PCDHGA6: variants seen among roughly 807,000 people sequenced by gnomAD.
PCDHGA6 encodes protocadherin gamma-A6.
In PCDHGA6, 41 loss-of-function variants were observed where a neutral mutation model predicts 60.6. The observed-to-expected ratio is 0.68, with a 90% CI of 0.53 to 0.88. The LOEUF (loss-of-function observed/expected upper bound fraction) is 0.88, where lower values mean the gene tolerates loss of function less well. Ranked by LOEUF, PCDHGA6 falls within the 40% of genes least tolerant of loss-of-function variation. The pLI is 0.00. For missense variants in PCDHGA6, 1,312 were observed against 1,203.0 expected (o/e 1.09, Z -1.34); for synonymous variants, 594 against 524.4 (o/e 1.13, Z -1.81).
chr5:141,417,800 C>T, intron 1 of PCDHGA6: 1 of 1,489,386 alleles, frequency 6.7e-7, no homozygotes. Context: ...TCTTTTAGCG[C>T]GGTAGAGTGC....
chr5:141,389,081 G>C (rs371979686), intron 1 of PCDHGA6: 2 of 1,613,978 alleles, frequency 1.2e-6, no homozygotes, highest in Admixed American at 1.7e-5. Flanking sequence ...CAAGAAACAC[G>C]TATAAATTAG....
In PCDHGA6 at chr5:141,489,104, A is replaced by C; in HGVS notation, c.2425-5703A>C. The stretch of plus-strand genomic sequence containing the variant: ...CCACTCGGTGACTAAGAACTGCTGC[A>C]AGCAGGCAAACCTCCGAGCAGTTTT... On this transcript the variant is annotated intron_variant, in intron 1 of 3. Coordinates refer to ENST00000517434, the MANE Select transcript of PCDHGA6 (RefSeq NM_018919.3). The surrounding 1 kb of genome is among the most constrained non-coding windows in gnomAD (Gnocchi z 4.5). 2.5e-6 allele frequency: 1 copy of C among 405,816 alleles called. No individual in the cohort carries two copies. Among genetic ancestry groups the C allele is most frequent in the Non-Finnish European group, 4.3e-6 (1 of 232,372 alleles). 25.1% of individuals were successfully genotyped at this position (405,816 alleles called of 1,614,324 possible). A position where few individuals can be genotyped will look rare whatever the true frequency, so the allele number is the denominator to read the frequency against.
Position 141,490,710 on chromosome 5 carries a change from C to G in PCDHGA6, c.2425-4097C>G, listed in dbSNP as rs1158575765. On this transcript the variant is annotated intron_variant, in intron 1 of 3. Coordinates refer to ENST00000517434, the MANE Select transcript of PCDHGA6 (RefSeq NM_018919.3). The surrounding 1 kb of genome is among the most constrained non-coding windows in gnomAD (Gnocchi z 5.4). ...ACACTGGGGATAATGCCCGCCTCAC[C>G]TACTCCATTGTAGGAAATCAGGTTC... 6.2e-7 allele frequency: 1 copy of G among 1,614,208 alleles called. No homozygotes were observed. The highest frequency in any genetic ancestry group is 8.5e-7 in the Non-Finnish European group (1 of 1,180,030).
At chr5:141,501,423 A>G (rs1195105794) in intron 2 of PCDHGA6, among the ~76,000 whole-genome samples, 4 of 151,966 alleles carry the variant, frequency 2.6e-5, no homozygotes, top group African/African-American at 7.2e-5. Flanking sequence ...AGTTGACTAA[A>G]TGTAGTCCAT....
chr5:141,403,073 A>G (rs920382925), intron 1 of PCDHGA6: 4 of 1,614,056 alleles, frequency 2.5e-6, no homozygotes, highest in Non-Finnish European at 3.4e-6. Context: ...AGAGACAGAA[A>G]AGGGCTATAT....
intron 1 of PCDHGA6, chr5:141,387,823 A>G: frequency 6.3e-7 from 1 of 1,581,002 alleles, no homozygotes; most frequent in South Asian, 1.2e-5. Context: ...AATCTGCAAT[A>G]CAGAGGTTAT....
In PCDHGA6 at chr5:141,477,211, C is replaced by T. The variant is rs1282763530; in HGVS notation, c.2425-17596C>T. On this transcript the variant is annotated intron_variant, in intron 1 of 3. Coordinates refer to ENST00000517434, the MANE Select transcript of PCDHGA6 (RefSeq NM_018919.3). The surrounding 1 kb of genome is among the most constrained non-coding windows in gnomAD (Gnocchi z 4.9). ...TGTACAGCCCAGTACCCGAGGATGC[C>T]CCTCTGGGGACTGTCATCGCTTTGC... 2 of 1,614,154 alleles carry T rather than the reference C, an allele frequency of 1.2e-6. No individual in the cohort carries two copies. Among genetic ancestry groups the T allele is most frequent in the East Asian group, 4.5e-5 (2 of 44,870 alleles).
chr5:141,405,840 A>ATATCAGTGT (rs2094725824), intron 1 of PCDHGA6, among the ~76,000 whole-genome samples: 1 of 152,188 alleles, frequency 6.6e-6, no homozygotes, highest in Non-Finnish European at 1.5e-5. Context: ...GTATAAGTTG[A>ATATCAGTGT]TATCAGTGTG....
intron 1 of PCDHGA6, among the ~76,000 whole-genome samples, chr5:141,451,579 A>T (rs1222576609): frequency 6.6e-6 from 1 of 152,084 alleles, no homozygotes; most frequent in African/African-American, 2.4e-5. Flanking sequence ...TTATAAACCT[A>T]ATTTTGAAAG....
At chr5:141,440,558 T>C (rs546919141) in intron 1 of PCDHGA6, 1 of 152,350 alleles carries the variant, frequency 6.6e-6, no homozygotes, top group East Asian at 1.9e-4. Context: ...TGTTATTAAG[T>C]TACGTATCTC....
chr5:141,454,232 G>T (rs2098784520), intron 1 of PCDHGA6, among the ~76,000 whole-genome samples: 1 of 152,146 alleles, frequency 6.6e-6, no homozygotes, highest in African/African-American at 2.4e-5. Context: ...TAATTGTGAT[G>T]AAAAGGATGA....
chr5:141,382,921 G>C (rs774998092), intron 1 of PCDHGA6: 4 of 1,560,206 alleles, frequency 2.6e-6, no homozygotes, highest in East Asian at 2.3e-5. Context: ...GCCGAGGGGC[G>C]GGGACTACAG....
In PCDHGA6 at chr5:141,393,943, G is replaced by A. The variant is rs186465469; in HGVS notation, c.2424+17436G>A. Reference sequence around the variant, plus strand: ...TTGAGTGTGCATGACCAAGACTCTGGAAAGAATGGTCAAGTTGTCTGTTAC... The same window carrying A: ...TTGAGTGTGCATGACCAAGACTCTGAAAAGAATGGTCAAGTTGTCTGTTAC... On this transcript the variant is annotated intron_variant, in intron 1 of 3. Transcript: ENST00000517434. 1.6e-5 allele frequency: 26 copies of A among 1,613,936 alleles called. No homozygotes were observed. The East Asian group carries it at 3.1e-4, about 19-fold the overall frequency.
chr5:141,373,959 T>A lies in PCDHGA6; in HGVS notation c.-125T>A, dbSNP rs1045656006. 8.4e-5 allele frequency: 78 copies of A among 924,258 alleles called. No individual in the cohort carries two copies. Among genetic ancestry groups the A allele is most frequent in the Admixed American group, 1.4e-4 (4 of 28,310 alleles). The allele number at this position is 924,258 out of a possible 1,614,324, so 57.3% of individuals were successfully genotyped here. ...GGAAAGCTGTGCAGAAATTCTGACC[T>A]GAAACGCTTCGCATCCGGTCTCTGC... On this transcript the variant is annotated 5_prime_UTR_variant, in exon 1 of 4. Transcript: ENST00000517434.
rs137901127 is a variant in PCDHGA6 at position 141,436,420 on chromosome 5, A to G, written c.2425-58387A>G. 1.4e-3 allele frequency among the ~76,000 whole-genome samples: 213 copies of G among 152,326 alleles called. 1 individual carries two copies. The highest frequency in any genetic ancestry group is 4.8e-3 in the African/African-American group (199 of 41,594). ...AGTTGTTGAATGAATGGATAAACAA[A>G]TAATGTACTCTGGGGATTACCTGAT... On this transcript the variant is annotated intron_variant, in intron 1 of 3. Coordinates refer to ENST00000517434, the MANE Select transcript of PCDHGA6 (RefSeq NM_018919.3).
intron 1 of PCDHGA6, among the ~76,000 whole-genome samples, chr5:141,444,062 A>G (rs1335403906): frequency 6.7e-6 from 1 of 149,402 alleles, no homozygotes; most frequent in African/African-American, 2.5e-5. Context: ...TTCAATCTAG[A>G]TTCTGATGCT....
chr5:141,437,638 A>G (rs192433359), intron 1 of PCDHGA6, among the ~76,000 whole-genome samples: 1 of 152,250 alleles, frequency 6.6e-6, no homozygotes, highest in Admixed American at 6.5e-5. Context: ...TGTCAGGTTC[A>G]GAAAAGCAAA....
At chr5:141,418,409 G>T in intron 1 of PCDHGA6, 1 of 1,613,910 alleles carries the variant, frequency 6.2e-7, no homozygotes, top group Non-Finnish European at 8.5e-7. Flanking sequence ...GGTGGAGAAA[G>T]ACAATCCTGA....
In PCDHGA6 at chr5:141,374,159, G is replaced by C; in HGVS notation, c.76G>C (p.Ala26Pro). Reference sequence around the variant, plus strand: ...CACGCTCCTGGGGACGCTGTGGGGGGCCGCGGCAGCGCAGATCCGCTACTC... The same window carrying C: ...CACGCTCCTGGGGACGCTGTGGGGGCCCGCGGCAGCGCAGATCCGCTACTC... ...LLTLLGTLWG[A>P]AAAQIRYSIP... The change falls in exon 1 of 4, where the codon GCC becomes CCC. Residue 26 changes from alanine to proline, a missense_variant. Transcript: ENST00000517434. 6.2e-7 allele frequency: 1 copy of C among 1,612,288 alleles called. No individual in the cohort carries two copies.
Sources: gnomAD v4.1 joint callset for allele counts (sites outside exome capture counted in the v4.1 genomes callset) on GRCh38, gnomAD v4.1.1 for gene constraint, Gnocchi (gnomAD v3.1) non-coding constraint, MANE v1.5 for transcripts, NCBI Gene and HGNC (gene_info 2026-07-23, HGNC 2026-07-21) for gene names.